ZRSR2: variants seen among roughly 807,000 people sequenced by gnomAD.
ZRSR2 encodes U2 small nuclear ribonucleoprotein auxiliary factor 35 kDa subunit-related protein 2.
ZRSR2 carries 3 observed loss-of-function variants against 39.4 expected under a neutral mutation model. That is an observed-to-expected ratio of 0.08 (90% confidence interval 0.03 to 0.20). The LOEUF is 0.20. Ranked by LOEUF, ZRSR2 falls within the 10% of genes least tolerant of loss-of-function variation. ZRSR2 has a pLI of 1.00. For synonymous variants in ZRSR2, 137 were observed against 136.0 expected (o/e 1.01, Z -0.05); for missense variants, 256 against 391.5 (o/e 0.65, Z 2.92).
At chrX:15,799,118 G>A (rs767904100) in intron 2 of ZRSR2, among the ~76,000 whole-genome samples, 65 of 107,492 alleles carry the variant, frequency 6.0e-4, no homozygotes, top group African/African-American at 2.2e-3. Flanking sequence ...CCCAGGAGGC[G>A]GAGGTTGCAG....
At chrX:15,805,911 T>C (rs1249400717) in intron 5 of ZRSR2, among the ~76,000 whole-genome samples, 1 of 74,183 alleles carries the variant, frequency 1.3e-5, no homozygotes, top group Non-Finnish European at 2.4e-5. Flanking sequence ...ACCTGGGCAA[T>C]AGAACTAGAC....
rs751829946 is a variant in ZRSR2, at chrX:15,820,325, CAA to C, written c.937+11_937+12del. On this transcript the variant is annotated intron_variant, in intron 10 of 10. Transcript: ENST00000307771. ...GAAAATGGCGATTTGTGGTAAAAGA[CAA>C]AGTGATGATTTTTTTCCTCAATTGT... 3 of 1,187,726 alleles carry C rather than the reference CAA, an allele frequency of 2.5e-6. No homozygotes were observed. The East Asian group carries it at 8.9e-5, about 35-fold the overall frequency.
At position 15,804,148 on chromosome X, in the gene ZRSR2, A is replaced by G. The variant is rs776011756; in HGVS notation, c.350A>G (p.Lys117Arg). ...GAACAATGGGAAGAACAGCAGAGGA[A>G]AGAGAGAGAAGAGGAGGAGCAGAAA... ...LKEQWEEQQR[K>R]EREEEEQKRQ... Residue 117 changes from lysine (K) to arginine (R), a missense_variant, in exon 5 of 11, where the codon AAA (lysine) becomes AGA (arginine). Around this residue, in one of 3 missense-constraint regions of ZRSR2, gnomAD observed 87 missense variants for 111.7 expected, o/e 0.78. Transcript: ENST00000307771. The G allele has an allele frequency of 1.7e-6, 2 of 1,197,494 alleles. No individual in the cohort carries two copies. Among genetic ancestry groups the G allele is most frequent in the South Asian group, 1.8e-5 (1 of 54,632 alleles).
chrX:15,792,210 G>A (rs1469825871), intron 2 of ZRSR2, among the ~76,000 whole-genome samples: 1 of 112,078 alleles, frequency 8.9e-6, no homozygotes, highest in Non-Finnish European at 1.9e-5. Context: ...ATCACCTGAG[G>A]TCAGGGGTTC....
At chrX:15,794,736 CA>C (rs2147277428) in intron 2 of ZRSR2, among the ~76,000 whole-genome samples, 1 of 111,846 alleles carries the variant, frequency 8.9e-6, no homozygotes, top group African/African-American at 3.2e-5. Context: ...TGCAGAAATA[CA>C]TTATAATTTC....
At chrX:15,806,006 A>G (rs1443900312) in intron 5 of ZRSR2, among the ~76,000 whole-genome samples, 1 of 111,442 alleles carries the variant, frequency 9.0e-6, no homozygotes. Context: ...GTGCTTCTAT[A>G]GATTGCCTGC....
chrX:15,799,430 G>T (rs902771381), intron 2 of ZRSR2, among the ~76,000 whole-genome samples: 1 of 105,826 alleles, frequency 9.4e-6, no homozygotes, highest in Non-Finnish European at 1.9e-5. Flanking sequence ...GAAGATGGAT[G>T]TTCCCTTCCA....
chrX:15,808,277 T>A lies in ZRSR2; in HGVS notation c.438+6T>A. ...TGGATCAGGCTGAAAATGAGGTATT[T>A]TTAAAACCTTACATTGATAATTTGA... On this transcript the variant is annotated splice_donor_region_variant and intron_variant, in intron 6 of 10. Transcript: ENST00000307771. 1 of 1,192,194 alleles carries A rather than the reference T, an allele frequency of 8.4e-7. No individual in the cohort carries two copies. Among genetic ancestry groups the A allele is most frequent in the Non-Finnish European group, 1.1e-6 (1 of 881,432 alleles).
chrX:15,811,590 A>G (rs983651480), intron 7 of ZRSR2, among the ~76,000 whole-genome samples: 2 of 112,031 alleles, frequency 1.8e-5, no homozygotes, highest in African/African-American at 6.5e-5. Flanking sequence ...ACACCTGGCT[A>G]ATTTTTTTTG....
At chrX:15,795,087 T>A (rs1406812170) in intron 2 of ZRSR2, among the ~76,000 whole-genome samples, 1 of 56,295 alleles carries the variant, frequency 1.8e-5, no homozygotes, top group Non-Finnish European at 2.9e-5. Flanking sequence ...CCCTGCACTT[T>A]TCCCCCCCCC....
At chrX:15,809,779 C>T (rs1235854822) in intron 7 of ZRSR2, among the ~76,000 whole-genome samples, 1 of 110,657 alleles carries the variant, frequency 9.0e-6, no homozygotes, top group East Asian at 2.8e-4. Flanking sequence ...CACTGCACTC[C>T]AGCCTGGGTG....
intron 8 of ZRSR2, among the ~76,000 whole-genome samples, chrX:15,816,959 G>A (rs1404099511): frequency 9.0e-6 from 1 of 111,565 alleles, no homozygotes; most frequent in Non-Finnish European, 1.9e-5. Flanking sequence ...TGCTAAAGTG[G>A]AACTGCCTGG....
rs763894805 is a variant in ZRSR2 at position 15,815,837 on chromosome X, T to C, written c.718T>C (p.Tyr240His). The part of the protein sequence containing the change: ...EETYQQFLDF[Y>H]EDVLPEFKNV... Reference sequence around the variant, plus strand: ...AACCTACCAACAGTTCCTAGACTTCTATGAGGATGTGTTGCCCGAGTTCAA... The same window carrying C: ...AACCTACCAACAGTTCCTAGACTTCCATGAGGATGTGTTGCCCGAGTTCAA... Residue 240 changes from tyrosine (Y) to histidine (H), a missense_variant, in exon 8 of 11, where the codon TAT becomes CAT. Around this residue, in one of 3 missense-constraint regions of ZRSR2, gnomAD observed 58 missense variants for 163.1 expected, o/e 0.36. Coordinates refer to ENST00000307771, the MANE Select transcript of ZRSR2 (RefSeq NM_005089.4). The C allele has an allele frequency of 8.3e-7, 1 of 1,210,260 alleles. No individual in the cohort carries two copies. Among genetic ancestry groups the C allele is most frequent in the South Asian group, 1.8e-5 (1 of 56,701 alleles).
intron 7 of ZRSR2, among the ~76,000 whole-genome samples, chrX:15,813,405 T>C (rs1932914020): frequency 1.8e-5 from 2 of 112,318 alleles, no homozygotes; most frequent in Admixed American, 1.9e-4. Context: ...CTCAGTTCTT[T>C]CCAGGTAATT....
intron 1 of ZRSR2, 97 bp from the exon 2 acceptor site, chrX:15,790,837 C>T (rs906485881): frequency 1.2e-6 from 1 of 867,039 alleles, no homozygotes; most frequent in Admixed American, 2.5e-5. Context: ...TCCTCAGCAC[C>T]CGAACTATTT....
At chrX:15,808,439 A>G (rs1475197153) in intron 6 of ZRSR2, among the ~76,000 whole-genome samples, 168 bp downstream of exon 6, 6 of 111,201 alleles carry the variant, frequency 5.4e-5, no homozygotes, top group Non-Finnish European at 1.1e-4. Flanking sequence ...TTTATTGATG[A>G]ACAAATACAA....
chrX:15,791,450 A>G (rs1028965286), intron 2 of ZRSR2, among the ~76,000 whole-genome samples: 2 of 111,373 alleles, frequency 1.8e-5, no homozygotes, highest in Admixed American at 1.9e-4. Flanking sequence ...ATTCAAATAT[A>G]TATCAACATA....
chrX:15,803,879 G>T, intron 4 of ZRSR2, 83 bp downstream of exon 4: 1 of 1,127,689 alleles, frequency 8.9e-7, no homozygotes, highest in Middle Eastern at 2.4e-4. Context: ...ATCTTGGGAG[G>T]TTGGAGTGAG....
intron 2 of ZRSR2, among the ~76,000 whole-genome samples, chrX:15,798,175 G>A (rs1396699342): frequency 8.9e-6 from 1 of 112,220 alleles, no homozygotes; most frequent in East Asian, 2.8e-4. Context: ...CCTTCAGTTA[G>A]AACTGTACTC....
Sources: allele counts gnomAD v4.1 joint callset (sites outside exome capture counted in the v4.1 genomes callset), GRCh38; gene constraint gnomAD v4.1.1; regional missense constraint gnomAD v4.1.1; transcripts MANE v1.5; gene names NCBI Gene and HGNC (gene_info 2026-07-23, HGNC 2026-07-21).